The following LUC7L2 variants were observed in gnomAD, a reference collection of about 807,000 sequenced individuals.
LUC7L2 encodes the protein LUC7 like 2, pre-mRNA splicing factor.
In LUC7L2, 25 loss-of-function variants were observed where a neutral mutation model predicts 52.8. The ratio of observed to expected loss-of-function variants is 0.47; its 90% CI spans 0.34 to 0.66. The LOEUF (loss-of-function observed/expected upper bound fraction) is 0.66. Ranked by LOEUF, LUC7L2 falls within the 30% of genes least tolerant of loss-of-function variation. The probability of loss-of-function intolerance (pLI) is 0.01; values close to 1 mark genes in which losing one functional copy is unlikely to be tolerated. For synonymous variants in LUC7L2, 144 were observed against 160.9 expected (o/e 0.89, Z 0.80); for missense variants, 328 against 497.8 (o/e 0.66, Z 3.25).
intron 2 of LUC7L2, among the ~76,000 whole-genome samples, chr7:139,377,072 G>A (rs1042587860): frequency 2.0e-5 from 3 of 152,122 alleles, no homozygotes; most frequent in African/African-American, 7.2e-5. Context: ...ACTATATTAT[G>A]TTAACGGGGA....
upstream of LUC7L2, chr7:139,359,738 C>T (rs1019591404): frequency 7.5e-6 from 3 of 400,072 alleles, no homozygotes; most frequent in Middle Eastern, 6.3e-4. Context: ...ACCAGAGTAT[C>T]GCGAGATCCG....
chr7:139,381,726 G>A (rs569512705), intron 2 of LUC7L2, among the ~76,000 whole-genome samples: 59 of 151,164 alleles, frequency 3.9e-4, no homozygotes, highest in Non-Finnish European at 7.5e-4. Context: ...ACAGACACAC[G>A]CCACCATGCC....
At chr7:139,369,100 A>C in intron 1 of LUC7L2, among the ~76,000 whole-genome samples, 1 of 152,102 alleles carries the variant, frequency 6.6e-6, no homozygotes, top group South Asian at 2.1e-4. Context: ...TAAATCAGCC[A>C]GTTACTTTTT....
At position 139,422,574 on chromosome 7, in the gene LUC7L2, A is replaced by G; in HGVS notation, c.*234A>G. 1.2e-6 allele frequency: 1 copy of G among 810,218 alleles called. No individual in the cohort carries two copies. The highest frequency in any genetic ancestry group is 1.7e-6 in the Non-Finnish European group (1 of 598,992). 50.2% of individuals were successfully genotyped at this position (810,218 alleles called of 1,614,324 possible). ...AGTTCTGAAAGTACAGTTTTATATA[A>G]TAAGATGCTGATCTCTTTATTCTTT... On this transcript the variant is annotated 3_prime_UTR_variant, in exon 10 of 10. Transcript: ENST00000354926.
intron 1 of LUC7L2, chr7:139,345,730 C>T: frequency 6.3e-7 from 1 of 1,598,186 alleles, no homozygotes; most frequent in South Asian, 1.1e-5. Flanking sequence ...TTGGATGCTG[C>T]ATTCATAGGA....
rs948527935 is a variant in LUC7L2, at chr7:139,360,165, A to G, written c.-97A>G. ...TCGAGGCGGCGGCGGCCACCGAGAC[A>G]GCAGCGCACCTTCCCCCATCCCTTC... On this transcript the variant is annotated 5_prime_UTR_variant, in exon 1 of 10. Coordinates refer to ENST00000354926, the MANE Select transcript of LUC7L2 (RefSeq NM_016019.5). The G allele has an allele frequency of 2.2e-6, 2 of 896,554 alleles. No homozygotes were observed. Among genetic ancestry groups the G allele is most frequent in the Non-Finnish European group, 3.3e-6 (2 of 601,068 alleles). The allele number at this position is 896,554 out of a possible 1,614,324, so 55.5% of individuals were successfully genotyped here.
chr7:139,360,237 C>G lies in LUC7L2; in HGVS notation c.-25C>G. ...GGGCCCGGTCTGCGCCCCACCCCCG[C>G]CCGTCCGCCCGCTACGCCGCCGCCA... On this transcript the variant is annotated 5_prime_UTR_variant, in exon 1 of 10. Coordinates refer to ENST00000354926, the MANE Select transcript of LUC7L2 (RefSeq NM_016019.5). The G allele has an allele frequency of 6.5e-7, 1 of 1,543,458 alleles. No individual in the cohort carries two copies. The highest frequency in any genetic ancestry group is 8.7e-7 in the Non-Finnish European group (1 of 1,143,996).
At chr7:139,409,769 T>G in intron 7 of LUC7L2, 115 bp downstream of exon 7, 1 of 1,366,338 alleles carries the variant, frequency 7.3e-7, no homozygotes. Flanking sequence ...GGGAAACTTC[T>G]GCTTACTTTA....
intron 1 of LUC7L2, among the ~76,000 whole-genome samples, chr7:139,364,708 G>A (rs1005112479): frequency 2.6e-5 from 4 of 152,338 alleles, no homozygotes; most frequent in Admixed American, 1.3e-4. Context: ...TAATCTGTAA[G>A]ATAGTATGAC....
intron 1 of LUC7L2, 62 bp from the exon 2 acceptor site, chr7:139,376,000 G>A: frequency 1.3e-6 from 2 of 1,555,018 alleles, no homozygotes. Flanking sequence ...TAATAGTAGG[G>A]CTCTCAGAAA....
chr7:139,391,182 T>G (rs968420399), intron 2 of LUC7L2, among the ~76,000 whole-genome samples: 1 of 152,250 alleles, frequency 6.6e-6, no homozygotes, highest in Non-Finnish European at 1.5e-5. Flanking sequence ...GTTTTTGGTG[T>G]ACACTGTGGC....
chr7:139,376,270 C>T, intron 2 of LUC7L2, 114 bp downstream of exon 2: 3 of 1,054,330 alleles, frequency 2.8e-6, no homozygotes, highest in South Asian at 3.2e-5. Context: ...GATTTGCATC[C>T]TTTATTGTTT....
chr7:139,417,768 A>G (rs1251049266), intron 9 of LUC7L2, 39 bp downstream of exon 9: 3 of 1,590,872 alleles, frequency 1.9e-6, no homozygotes, highest in Non-Finnish European at 2.6e-6. Flanking sequence ...AGCTACCTTA[A>G]TGTTTTAGAG....
chr7:139,416,040 A>AATAT lies in LUC7L2; in HGVS notation c.810-1451_810-1448dup, dbSNP rs66498771. On this transcript the variant is annotated intron_variant, in intron 8 of 9. Coordinates refer to ENST00000354926, the MANE Select transcript of LUC7L2 (RefSeq NM_016019.5). ...ATTTAAGAGTTTTATTGAGGTATAA[A>AATAT]ATATATATATATATATATATATATA... 9.0e-3 allele frequency: 873 copies of AATAT among 97,298 alleles called. 29 individuals are homozygous for AATAT. The highest frequency in any genetic ancestry group is 0.016 in the Non-Finnish European group (637 of 40,716). The allele number at this position is 97,298 out of a possible 1,614,324, so 6.0% of individuals were successfully genotyped here. A position where few individuals can be genotyped will look rare whatever the true frequency, so the allele number is the denominator to read the frequency against.
chr7:139,365,779 C>T lies in LUC7L2; in HGVS notation c.61+5457C>T, dbSNP rs1425444946. On this transcript the variant is annotated intron_variant, in intron 1 of 9. Coordinates refer to ENST00000354926, the MANE Select transcript of LUC7L2 (RefSeq NM_016019.5). The stretch of plus-strand genomic sequence containing the variant: ...TGAGGAAACAAGCAGTTTGGCATAA[C>T]TTAATCTACTAAGAAACTATAAGAA... 1.4e-4 allele frequency among the ~76,000 whole-genome samples: 21 copies of T among 152,142 alleles called. 1 individual carries two copies. The highest frequency in any genetic ancestry group is 1.2e-3 in the Admixed American group (18 of 15,266).
At chr7:139,391,734 A>G (rs913407094) in intron 2 of LUC7L2, among the ~76,000 whole-genome samples, 2 of 152,030 alleles carry the variant, frequency 1.3e-5, no homozygotes, top group Admixed American at 6.6e-5. Flanking sequence ...GATTCCAGGC[A>G]TGTCACCATG....
upstream of LUC7L2, chr7:139,359,452 G>C (rs979025368): frequency 5.7e-6 from 1 of 176,602 alleles, no homozygotes; most frequent in African/African-American, 2.3e-5. Context: ...AAAGGCGCAC[G>C]AGAACCAGGA....
At chr7:139,347,039 T>A (rs1799291438) in intron 1 of LUC7L2, among the ~76,000 whole-genome samples, 1 of 152,226 alleles carries the variant, frequency 6.6e-6, no homozygotes, top group Non-Finnish European at 1.5e-5. Flanking sequence ...GTCTATTTGC[T>A]TCTTATATCC....
intron 5 of LUC7L2, 132 bp from the exon 6 acceptor site, chr7:139,407,042 G>A (rs1795160567): frequency 2.5e-6 from 1 of 402,792 alleles, no homozygotes; most frequent in Non-Finnish European, 3.3e-6. Flanking sequence ...TCTCGCCCCA[G>A]TGAGCCACCG....
Sources: gnomAD v4.1 joint callset for allele counts (sites outside exome capture counted in the v4.1 genomes callset) on GRCh38, gnomAD v4.1.1 for gene constraint, MANE v1.5 for transcripts, NCBI Gene and HGNC (gene_info 2026-07-23, HGNC 2026-07-21) for gene names.